Variants in RAD51B observed in about 807,000 individuals in gnomAD.
RAD51B encodes the protein RAD51 paralog B.
Under a neutral mutation model 42.2 loss-of-function variants are expected in RAD51B, and 38 were observed. The ratio of observed to expected loss-of-function variants is 0.90; its 90% CI spans 0.70 to 1.18. The LOEUF is 1.18. RAD51B is among the 50% of genes most tolerant of loss of function. RAD51B has a pLI of 0.00. For synonymous variants in RAD51B, 154 were observed against 145.2 expected, an observed-to-expected ratio of 1.06 and a Z score of -0.43; for missense variants, 373 against 400.7, an observed-to-expected ratio of 0.93 and a Z score of 0.59.
At chr14:68,474,587 G>A (rs1285623668) in intron 10 of RAD51B, among the ~76,000 whole-genome samples, 1 of 152,208 alleles carries the variant, frequency 6.6e-6, no homozygotes, top group Non-Finnish European at 1.5e-5. Flanking sequence ...AATTGGGTTT[G>A]TAGCCATTTC....
chr14:68,341,807 A>C (rs1026329972), intron 8 of RAD51B, among the ~76,000 whole-genome samples: 1 of 152,146 alleles, frequency 6.6e-6, no homozygotes, highest in Non-Finnish European at 1.5e-5. Flanking sequence ...ACAGGGCCCC[A>C]GAGGTAGGGG....
At chr14:67,944,068 G>GT (rs2045300394) in intron 7 of RAD51B, among the ~76,000 whole-genome samples, 1 of 152,104 alleles carries the variant, frequency 6.6e-6, no homozygotes, top group African/African-American at 2.4e-5. Flanking sequence ...GTAGGACTTA[G>GT]TTTTTAAAGA....
At chr14:68,497,959 G>A (rs1411122866) in intron 10 of RAD51B, 2 of 182,416 alleles carry the variant, frequency 1.1e-5, no homozygotes, top group Non-Finnish European at 1.2e-5. Flanking sequence ...TGTGAATATT[G>A]TACTGCTATG....
At position 68,587,044 on chromosome 14, in the gene RAD51B, T is replaced by C. The variant is rs574278321; in HGVS notation, c.1037-7441T>C. Among the ~76,000 whole-genome samples, 16 of 150,310 alleles carry C rather than the reference T, an allele frequency of 1.1e-4. 1 individual carries two copies. In the South Asian group the frequency reaches 2.9e-3, roughly 27 times the overall value. ...TGTCTCAAAAAAAAAAAAAATTGGCTCCTTCCAGCTTTGAGATCCTGAGGC... is the reference window on the plus strand; with the variant it reads ...TGTCTCAAAAAAAAAAAAAATTGGCCCCTTCCAGCTTTGAGATCCTGAGGC... On this transcript the variant is annotated intron_variant, in intron 10 of 10. Transcript: ENST00000487270.
At chr14:68,095,306 A>G (rs1294920975) in intron 7 of RAD51B, among the ~76,000 whole-genome samples, 1 of 152,134 alleles carries the variant, frequency 6.6e-6, no homozygotes, top group African/African-American at 2.4e-5. Context: ...TAAAAAAAAA[A>G]AGTCTTAGTT....
chr14:68,363,052 T>C (rs1024204751), intron 8 of RAD51B, among the ~76,000 whole-genome samples: 1 of 152,158 alleles, frequency 6.6e-6, no homozygotes, highest in East Asian at 1.9e-4. Flanking sequence ...GGAGCCTTTG[T>C]GCACTGAACC....
At chr14:68,389,118 C>T (rs2083676466) in intron 8 of RAD51B, among the ~76,000 whole-genome samples, 1 of 151,988 alleles carries the variant, frequency 6.6e-6, no homozygotes, top group Non-Finnish European at 1.5e-5. Context: ...TTTTAAGTAA[C>T]TTTTTAAATG....
intron 7 of RAD51B, among the ~76,000 whole-genome samples, chr14:68,072,070 A>AATT (rs2076754027): frequency 3.9e-4 from 41 of 104,654 alleles, no homozygotes; most frequent in African/African-American, 1.8e-3. Flanking sequence ...TATTTATATA[A>AATT]ATATATAAAT....
chr14:68,045,236 C>CAAAAAAAAAAAAAAAAAA (rs537073885), intron 7 of RAD51B, among the ~76,000 whole-genome samples: 1 of 22,080 alleles, frequency 4.5e-5, no homozygotes, highest in Non-Finnish European at 8.3e-5. Context: ...AACTCTGTCT[C>CAAAAAAAAAAAAAAAAAA]AAAAAAAAAA....
At chr14:68,285,589 A>G (rs2081399149) in intron 7 of RAD51B, among the ~76,000 whole-genome samples, 1 of 152,138 alleles carries the variant, frequency 6.6e-6, no homozygotes, top group African/African-American at 2.4e-5. Context: ...ATCAGGACGG[A>G]CTATCACTGC....
Position 67,969,472 on chromosome 14 carries a change from C to G in RAD51B, c.756+82268C>G, listed in dbSNP as rs2074854719. Among the ~76,000 whole-genome samples the G allele has an allele frequency of 2.6e-5, 4 of 152,186 alleles. No homozygotes were observed. The South Asian group carries it at 8.3e-4, about 32-fold the overall frequency. ...ATATATACATCTGGTTTTCCCTGTT[C>G]CGTATGCCTAAATCCTCCCTCCATT... On this transcript the variant is annotated intron_variant, in intron 7 of 10. Transcript: ENST00000471583.
chr14:67,961,054 C>T (rs1407421407), intron 7 of RAD51B, among the ~76,000 whole-genome samples: 1 of 152,082 alleles, frequency 6.6e-6, no homozygotes, highest in Non-Finnish European at 1.5e-5. Flanking sequence ...GTTGTTCAGG[C>T]TGAGTGCAGT....
chr14:67,904,079 A>G (rs2043699639), intron 7 of RAD51B, among the ~76,000 whole-genome samples: 1 of 152,110 alleles, frequency 6.6e-6, no homozygotes, highest in Admixed American at 6.6e-5. Context: ...TGCAAAGGAC[A>G]TGATTTATTC....
chr14:68,369,913 C>T (rs1387749018), intron 8 of RAD51B, among the ~76,000 whole-genome samples: 1 of 152,156 alleles, frequency 6.6e-6, no homozygotes, highest in African/African-American at 2.4e-5. Flanking sequence ...GGGGATGATT[C>T]TCTCACAGGA....
intron 7 of RAD51B, among the ~76,000 whole-genome samples, chr14:68,102,611 A>G (rs2077310097): frequency 1.3e-5 from 2 of 152,170 alleles, no homozygotes; most frequent in African/African-American, 4.8e-5. Context: ...GTCTCTAGGA[A>G]GTTTCAAACT....
At chr14:68,269,993 C>T (rs566621761) in intron 7 of RAD51B, among the ~76,000 whole-genome samples, 2 of 152,302 alleles carry the variant, frequency 1.3e-5, no homozygotes, top group Admixed American at 1.3e-4. Flanking sequence ...ATAGAACCAC[C>T]CTCTTTTTCC....
At position 68,136,694 on chromosome 14, in the gene RAD51B, A is replaced by G. The variant is rs777541496; in HGVS notation, c.757-155190A>G. On this transcript the variant is annotated intron_variant, in intron 7 of 10. Coordinates refer to ENST00000471583, the MANE Select transcript of RAD51B (RefSeq NM_133510.4). ...TGTTTTGTGTTCTTTGCAAATGTTA[A>G]CTAATTAAATCCTGACAATAAACCT... Among the ~76,000 whole-genome samples the G allele has an allele frequency of 9.9e-4, 66 of 66,612 alleles. 24 individuals are homozygous for G. The highest frequency in any genetic ancestry group is 5.6e-4 in the Admixed American group (3 of 5,328). 43.7% of individuals were successfully genotyped at this position (66,612 alleles called of 152,430 possible). A position where few individuals can be genotyped will look rare whatever the true frequency, so the allele number is the denominator to read the frequency against.
intron 10 of RAD51B, among the ~76,000 whole-genome samples, chr14:68,501,013 CATGTTTT>C (rs1884882232): frequency 1.3e-5 from 2 of 152,200 alleles, no homozygotes; most frequent in Non-Finnish European, 2.9e-5. Context: ...CTCTCACAGT[CATGTTTT>C]CAGAGTTTTG....
intron 11 of RAD51B, among the ~76,000 whole-genome samples, chr14:68,661,567 T>C (rs930902432): frequency 1.3e-5 from 2 of 152,202 alleles, no homozygotes; most frequent in Non-Finnish European, 2.9e-5. Flanking sequence ...TAAAGGAGAA[T>C]GCTGGATGCT....
Sources: allele counts gnomAD v4.1 joint callset (sites outside exome capture counted in the v4.1 genomes callset), GRCh38; gene constraint gnomAD v4.1.1; transcripts MANE v1.5; gene names NCBI Gene and HGNC (gene_info 2026-07-23, HGNC 2026-07-21).